C1orf105: variants seen among roughly 807,000 people sequenced by gnomAD.
The protein encoded by C1orf105 is chromosome 1 open reading frame 105.
C1orf105 carries 17 observed loss-of-function variants against 20.8 expected under a neutral mutation model. The ratio of observed to expected loss-of-function variants is 0.82; its 90% CI spans 0.56 to 1.23. The LOEUF is 1.23. Among genes scored for constraint, C1orf105 ranks in the 50% most tolerant of loss-of-function variants. C1orf105 has a pLI of 0.00. For synonymous variants in C1orf105, 72 were observed against 72.1 expected (o/e 1.00, Z 0.01); for missense variants, 219 against 213.5 (o/e 1.03, Z -0.16).
intron 1 of C1orf105, among the ~76,000 whole-genome samples, chr1:172,437,333 C>G (rs1266003860): frequency 2.6e-5 from 4 of 152,082 alleles, no homozygotes; most frequent in Non-Finnish European, 5.9e-5. Context: ...TTGGAACCAA[C>G]CCAAATGTCC....
rs16844519 is a variant in C1orf105 at position 172,468,768 on chromosome 1, G to A, written c.*174G>A. On this transcript the variant is annotated 3_prime_UTR_variant, in exon 7 of 7. Transcript: ENST00000367727. ...CTCTTACCTCTATGTTCTTTCTCAC[G>A]TCTCCTAAAGACAAAATTGTTTAAT... 0.063 allele frequency: 34,656 copies of A among 551,366 alleles called. 1,251 individuals are homozygous for A. The highest frequency in any genetic ancestry group is 0.13 in the Middle Eastern group (254 of 2,024). The allele number at this position is 551,366 out of a possible 1,614,324, so 34.2% of individuals were successfully genotyped here. A position where few individuals can be genotyped will look rare whatever the true frequency, so the allele number is the denominator to read the frequency against.
intron 1 of C1orf105, among the ~76,000 whole-genome samples, chr1:172,433,135 G>A (rs542369730): frequency 1.9e-4 from 29 of 152,202 alleles, no homozygotes; most frequent in African/African-American, 3.9e-4. Context: ...CCAAATCTAC[G>A]TTTGATTGGT....
At chr1:172,465,160 G>C (rs1032035345) in intron 5 of C1orf105, 139 bp from the exon 6 acceptor site, 14 of 294,658 alleles carry the variant, frequency 4.8e-5, no homozygotes, top group Non-Finnish European at 7.4e-5. Flanking sequence ...TCCAGCCTGG[G>C]CAACAAGCGC....
chr1:172,429,575 A>G (rs2071813411), intron 1 of C1orf105, among the ~76,000 whole-genome samples: 1 of 152,192 alleles, frequency 6.6e-6, no homozygotes, highest in African/African-American at 2.4e-5. Flanking sequence ...CCCTCTGCTG[A>G]CTTGTTTTCT....
intron 1 of C1orf105, among the ~76,000 whole-genome samples, chr1:172,427,695 C>A (rs541264426): frequency 6.6e-6 from 1 of 152,316 alleles, no homozygotes; most frequent in East Asian, 1.9e-4. Flanking sequence ...ACACATTCAG[C>A]ACTTGGTTTG....
At chr1:172,466,456 T>G (rs1650059054) in intron 6 of C1orf105, among the ~76,000 whole-genome samples, 1 of 152,124 alleles carries the variant, frequency 6.6e-6, no homozygotes. Context: ...CAAGAGAACA[T>G]GGGTGATAGG....
chr1:172,439,959 T>C (rs547895159), intron 1 of C1orf105, among the ~76,000 whole-genome samples: 2 of 152,304 alleles, frequency 1.3e-5, no homozygotes, highest in South Asian at 2.1e-4. Flanking sequence ...TTTCTCCTCA[T>C]TGGCCAGTGT....
chr1:172,430,917 T>TTTTAC (rs2071854922), intron 1 of C1orf105, among the ~76,000 whole-genome samples: 1 of 152,222 alleles, frequency 6.6e-6, no homozygotes. Context: ...TGATCAGTGA[T>TTTTAC]CTTTGATGTT....
Position 172,468,512 on chromosome 1 carries a change from CAGAG to C in C1orf105, c.471_474del (p.Glu158ProfsTer5), listed in dbSNP as rs1214055085. The C allele has an allele frequency of 6.2e-7, 1 of 1,613,984 alleles. No homozygotes were observed. ...ACAGCTGTCTTCCACGGATTACTGA[CAGAG>C]GCCTACAAAACTCTAAAAGAGAGAC... On this transcript the variant is annotated frameshift_variant, in exon 7 of 7. Coordinates refer to ENST00000367727, the MANE Select transcript of C1orf105 (RefSeq NM_139240.4). LOFTEE classifies it low-confidence loss of function (END_TRUNC).
At chr1:172,443,998 C>T in intron 1 of C1orf105, 1 of 1,000,314 alleles carries the variant, frequency 1.0e-6, no homozygotes, top group Non-Finnish European at 1.2e-6. Context: ...CCGAGAGTTC[C>T]TAGGGTTGCG....
At chr1:172,449,177 A>G (rs1648335686) in intron 3 of C1orf105, among the ~76,000 whole-genome samples, 1 of 152,150 alleles carries the variant, frequency 6.6e-6, no homozygotes, top group Admixed American at 6.5e-5. Flanking sequence ...GAGCTCAGTG[A>G]ATGTGAGCCA....
At chr1:172,450,401 G>C (rs1648491392) in intron 3 of C1orf105, among the ~76,000 whole-genome samples, 1 of 152,224 alleles carries the variant, frequency 6.6e-6, no homozygotes, top group Non-Finnish European at 1.5e-5. Flanking sequence ...CCTCAAATTT[G>C]AATCTGGCTC....
At chr1:172,421,438 T>C (rs1049806447) in intron 1 of C1orf105, among the ~76,000 whole-genome samples, 1 of 152,210 alleles carries the variant, frequency 6.6e-6, no homozygotes, top group Non-Finnish European at 1.5e-5. Context: ...GCTGTCTCTA[T>C]TACCATAGTA....
intron 1 of C1orf105, among the ~76,000 whole-genome samples, 200 bp from the exon 2 acceptor site, chr1:172,444,873 T>C (rs1647793330): frequency 6.6e-6 from 1 of 152,230 alleles, no homozygotes; most frequent in African/African-American, 2.4e-5. Flanking sequence ...TCACACTACC[T>C]GAGCTTTGAT....
chr1:172,468,272 G>T (rs1007543593), intron 6 of C1orf105, among the ~76,000 whole-genome samples, 177 bp from the exon 7 acceptor site: 5 of 152,118 alleles, frequency 3.3e-5, no homozygotes, highest in African/African-American at 1.2e-4. Flanking sequence ...TGAGTTTTTT[G>T]TTCCATTTTC....
At chr1:172,435,709 C>T (rs1173020200) in intron 1 of C1orf105, among the ~76,000 whole-genome samples, 3 of 152,210 alleles carry the variant, frequency 2.0e-5, no homozygotes, top group Non-Finnish European at 4.4e-5. Flanking sequence ...CCTCTCTCAT[C>T]ACTCCTATTC....
intron 1 of C1orf105, among the ~76,000 whole-genome samples, chr1:172,427,642 A>G (rs891566118): frequency 6.6e-6 from 1 of 152,176 alleles, no homozygotes; most frequent in African/African-American, 2.4e-5. Flanking sequence ...TTGCTTTATC[A>G]TGTTTTTATC....
At chr1:172,457,809 A>C (rs1401613070) in intron 4 of C1orf105, among the ~76,000 whole-genome samples, 2 of 152,236 alleles carry the variant, frequency 1.3e-5, no homozygotes, top group Non-Finnish European at 2.9e-5. Flanking sequence ...CATTTATTGA[A>C]GCTTCTAAAA....
intron 4 of C1orf105, 66 bp from the exon 5 acceptor site, chr1:172,462,112 G>T: frequency 8.6e-7 from 1 of 1,162,716 alleles, no homozygotes; most frequent in Non-Finnish European, 1.3e-6. Flanking sequence ...CACTAAAGTG[G>T]TACATTATTT....
Sources: gnomAD v4.1 joint callset for allele counts (sites outside exome capture counted in the v4.1 genomes callset) on GRCh38, gnomAD v4.1.1 for gene constraint, MANE v1.5 for transcripts, NCBI Gene and HGNC (gene_info 2026-07-23, HGNC 2026-07-21) for gene names.